The following ARHGAP26 variants were observed in gnomAD, a reference collection of about 807,000 sequenced individuals.
The protein encoded by ARHGAP26 is rho GTPase-activating protein 26.
ARHGAP26 carries 38 observed loss-of-function variants against 104.8 expected under a neutral mutation model. The ratio of observed to expected loss-of-function variants is 0.36; its 90% confidence interval spans 0.28 to 0.48. The LOEUF is 0.48. Ranked by LOEUF, ARHGAP26 falls within the 20% of genes least tolerant of loss-of-function variation. The pLI, the probability that ARHGAP26 is intolerant of heterozygous loss-of-function variation, is 0.99. For synonymous variants in ARHGAP26, 341 were observed against 340.0 expected, an observed-to-expected ratio of 1.00 and a Z score of -0.03; for missense variants, 704 against 947.9, an observed-to-expected ratio of 0.74 and a Z score of 3.38.
chr5:143,052,197 C>T (rs1176442855), intron 14 of ARHGAP26, among the ~76,000 whole-genome samples: 4 of 152,170 alleles, frequency 2.6e-5, no homozygotes, highest in Non-Finnish European at 4.4e-5. Flanking sequence ...TTGGGCCAGG[C>T]GCGGTGGCTC....
At chr5:142,981,936 T>C (rs1031524626) in intron 11 of ARHGAP26, among the ~76,000 whole-genome samples, 1 of 152,266 alleles carries the variant, frequency 6.6e-6, no homozygotes, top group Admixed American at 6.5e-5. Context: ...CTGTAATTTA[T>C]TGACATAGAA....
intron 11 of ARHGAP26, among the ~76,000 whole-genome samples, chr5:142,954,040 A>C (rs1768815962): frequency 6.6e-6 from 1 of 152,248 alleles, no homozygotes; most frequent in Non-Finnish European, 1.5e-5. Flanking sequence ...ATGGCACGCA[A>C]GTATGCTGTC....
intron 11 of ARHGAP26, among the ~76,000 whole-genome samples, chr5:143,010,439 A>C (rs1366142844): frequency 1.3e-5 from 2 of 152,212 alleles, no homozygotes; most frequent in African/African-American, 4.8e-5. Context: ...GGTGCTTGGT[A>C]AGTGCTAGGT....
intron 17 of ARHGAP26, among the ~76,000 whole-genome samples, chr5:143,069,980 C>T (rs1291944902): frequency 3.3e-5 from 5 of 152,176 alleles, no homozygotes; most frequent in Non-Finnish European, 1.5e-5. Context: ...AGCATGTCTT[C>T]AGATGTCCCC....
At chr5:142,814,929 A>C (rs1481057372) in intron 1 of ARHGAP26, among the ~76,000 whole-genome samples, 1 of 152,220 alleles carries the variant, frequency 6.6e-6, no homozygotes, top group Non-Finnish European at 1.5e-5. Flanking sequence ...GATGATTGAG[A>C]GGCTGTTTCC....
In ARHGAP26 at chr5:142,903,610, T is replaced by C. The variant is rs778485602; in HGVS notation, c.773T>C (p.Leu258Pro). The C allele has an allele frequency of 6.2e-7, 1 of 1,613,928 alleles. No homozygotes were observed. The highest frequency in any genetic ancestry group is 1.3e-5 in the African/African-American group (1 of 74,910). ...ATGAAAAAGATGAAGGAGAATCCCC[T>C]TGAGCACAAGACCATCAGTCCCTAC... is the stretch of plus-strand genomic sequence containing the variant. ...SLMKKMKENPLEHKTISPYTM... is the reference protein window; with the variant it reads ...SLMKKMKENPPEHKTISPYTM... The change falls in exon 8 of 23, where the codon CTT becomes CCT. Residue 258 changes from leucine (L) to proline (P), a missense_variant. Around this residue, in one of 6 missense-constraint regions of ARHGAP26, gnomAD observed 287 missense variants for 438.8 expected, o/e 0.65. Transcript: ENST00000645722.
intron 20 of ARHGAP26, among the ~76,000 whole-genome samples, chr5:143,153,623 A>G (rs947856957): frequency 6.6e-6 from 1 of 152,198 alleles, no homozygotes; most frequent in African/African-American, 2.4e-5. Context: ...TAGACCACAA[A>G]GATTGAAAGA....
intron 20 of ARHGAP26, chr5:143,202,939 A>C (rs1362486974): frequency 6.6e-6 from 1 of 152,268 alleles, no homozygotes; most frequent in Non-Finnish European, 1.5e-5. Flanking sequence ...GATGGATTAA[A>C]GACTTAAATG....
intron 18 of ARHGAP26, among the ~76,000 whole-genome samples, chr5:143,125,458 G>A (rs1019363206): frequency 2.6e-5 from 4 of 152,212 alleles, no homozygotes; most frequent in African/African-American, 9.7e-5. Flanking sequence ...TGGTCAGATA[G>A]AGTGCACTAA....
At chr5:143,131,658 C>T (rs1292377895) in intron 18 of ARHGAP26, among the ~76,000 whole-genome samples, 1 of 152,156 alleles carries the variant, frequency 6.6e-6, no homozygotes, top group Non-Finnish European at 1.5e-5. Flanking sequence ...TGCTGCAGCC[C>T]TGGGACTTCA....
intron 11 of ARHGAP26, among the ~76,000 whole-genome samples, chr5:142,992,778 A>G (rs942918768): frequency 7.2e-5 from 11 of 152,172 alleles, no homozygotes; most frequent in Non-Finnish European, 1.5e-4. Flanking sequence ...TGCCATACAG[A>G]GACCATATGA....
At chr5:143,165,737 C>G (rs1801843818) in intron 20 of ARHGAP26, among the ~76,000 whole-genome samples, 1 of 152,124 alleles carries the variant, frequency 6.6e-6, no homozygotes, top group African/African-American at 2.4e-5. Context: ...CTTTTGGAAT[C>G]CCCAGTGTCT....
At chr5:142,838,436 G>A (rs949210149) in intron 1 of ARHGAP26, among the ~76,000 whole-genome samples, 4 of 152,152 alleles carry the variant, frequency 2.6e-5, no homozygotes, top group African/African-American at 9.7e-5. Flanking sequence ...ATAATGAGAT[G>A]GCCAAAGGCA....
chr5:142,889,367 C>G lies in ARHGAP26; in HGVS notation c.486+3968C>G, dbSNP rs143169003. Among the ~76,000 whole-genome samples the G allele has an allele frequency of 7.1e-3, 1,084 of 152,264 alleles. 18 individuals are homozygous for G. The highest frequency in any genetic ancestry group is 0.025 in the African/African-American group (1,053 of 41,532). On this transcript the variant is annotated intron_variant, in intron 5 of 22. Coordinates refer to ENST00000645722, the MANE Select transcript of ARHGAP26 (RefSeq NM_001135608.3). Reference sequence around the variant, plus strand: ...GTGGCTCATGCCTGTAATCCCAGCACTTTGGTAGGCCAAGGCGGGTGGATC... The same window carrying G: ...GTGGCTCATGCCTGTAATCCCAGCAGTTTGGTAGGCCAAGGCGGGTGGATC...
chr5:142,770,682 C>T lies in ARHGAP26; in HGVS notation c.-80C>T, dbSNP rs1262036200. 9.9e-7 allele frequency: 1 copy of T among 1,014,960 alleles called. No individual in the cohort carries two copies. Among genetic ancestry groups the T allele is most frequent in the Non-Finnish European group, 1.2e-6 (1 of 834,776 alleles). 62.9% of individuals were successfully genotyped at this position (1,014,960 alleles called of 1,614,324 possible). On this transcript the variant is annotated 5_prime_UTR_variant, in exon 1 of 23. Transcript: ENST00000645722. ...GGCCGTCGGGGGAGCCGGCCGGGGT[C>T]CCGCCGCGTGAGTGCTCTGGGCGGC...
chr5:143,100,840 C>A (rs1707005754), intron 17 of ARHGAP26, among the ~76,000 whole-genome samples: 1 of 152,204 alleles, frequency 6.6e-6, no homozygotes, highest in South Asian at 2.1e-4. Context: ...CCTGTAATCC[C>A]AGCTCTTTGG....
At chr5:142,951,484 T>C (rs1228651704) in intron 11 of ARHGAP26, among the ~76,000 whole-genome samples, 1 of 152,198 alleles carries the variant, frequency 6.6e-6, no homozygotes, top group East Asian at 1.9e-4. Flanking sequence ...GTGTATTATT[T>C]GGAGTAGCAG....
intron 1 of ARHGAP26, among the ~76,000 whole-genome samples, chr5:142,846,208 TG>T (rs1185603594): frequency 6.6e-6 from 1 of 152,222 alleles, no homozygotes; most frequent in Non-Finnish European, 1.5e-5. Flanking sequence ...TATTACCTGT[TG>T]GGCCACAGTT....
chr5:143,212,437 A>G (rs1809617517), intron 21 of ARHGAP26, among the ~76,000 whole-genome samples: 2 of 151,952 alleles, frequency 1.3e-5, no homozygotes, highest in South Asian at 4.2e-4. Context: ...GCCAATACAT[A>G]GACTCGGTTT....
Sources: gnomAD v4.1 joint callset for allele counts (sites outside exome capture counted in the v4.1 genomes callset) on GRCh38, gnomAD v4.1.1 for gene constraint, gnomAD v4.1.1 regional missense constraint, MANE v1.5 for transcripts, NCBI Gene and HGNC (gene_info 2026-07-23, HGNC 2026-07-21) for gene names.